The following DMD variants were observed in gnomAD, a reference collection of about 807,000 sequenced individuals.
DMD encodes the protein dystrophin.
In DMD, 63 loss-of-function variants were observed where a neutral mutation model predicts 330.1. That is an observed-to-expected ratio of 0.19 (90% CI 0.16 to 0.24). The LOEUF (loss-of-function observed/expected upper bound fraction) is 0.24, where lower values mean the gene tolerates loss of function less well. Among genes scored for constraint, DMD ranks in the 10% least tolerant of loss-of-function variants. DMD has a pLI of 1.00. For synonymous variants in DMD, 1,223 were observed against 959.8 expected (o/e 1.27, Z -5.07); for missense variants, 3,344 against 2,684.1 (o/e 1.25, Z -5.43).
At chrX:31,797,538 A>T (rs2091885815) in intron 50 of DMD, among the ~76,000 whole-genome samples, 1 of 112,318 alleles carries the variant, frequency 8.9e-6, no homozygotes, top group African/African-American at 3.2e-5. Flanking sequence ...GATGCAATTT[A>T]AAAAACAATT....
chrX:32,602,214 C>A (rs2056279975), intron 12 of DMD, among the ~76,000 whole-genome samples: 1 of 111,776 alleles, frequency 8.9e-6, no homozygotes, highest in Non-Finnish European at 1.9e-5. Context: ...GAAAAATTTG[C>A]ATGGGCAGAC....
intron 51 of DMD, among the ~76,000 whole-genome samples, chrX:31,733,015 G>A (rs2086623538): frequency 1.8e-5 from 2 of 111,378 alleles, no homozygotes; most frequent in Admixed American, 1.9e-4. Flanking sequence ...ACAGGAGAAG[G>A]AAGGAATCAA....
In DMD at chrX:32,386,380, G is replaced by A. The variant is rs1431604157; in HGVS notation, c.4604C>T (p.Thr1535Met). Residue 1535 changes from threonine to methionine, a missense_variant, in exon 33 of 79, where the codon ACG (threonine) becomes ATG (methionine). Physicochemically the swap from Thr to Met is moderately conservative, Grantham distance 81. Transcript: ENST00000357033. ...TGRQIVQKKQTENPKELDERV... is the reference protein window; with the variant it reads ...TGRQIVQKKQMENPKELDERV... ...TTCATCAAGTTCTTTGGGATTTTCC[G>A]TCTGCTTTTTCTGTACAATCTGACG... 1.3e-5 allele frequency: 16 copies of A among 1,208,583 alleles called. No homozygotes were observed. The highest frequency in any genetic ancestry group is 7.0e-5 in the South Asian group (4 of 56,918).
intron 42 of DMD, among the ~76,000 whole-genome samples, chrX:32,309,054 T>G (rs1334389791): frequency 9.0e-6 from 1 of 111,457 alleles, no homozygotes; most frequent in Non-Finnish European, 1.9e-5. Flanking sequence ...CTGACATGGA[T>G]GGAATAGTTC....
At chrX:31,604,331 C>T (rs754259356) in intron 55 of DMD, among the ~76,000 whole-genome samples, 76 of 108,942 alleles carry the variant, frequency 7.0e-4, no homozygotes, top group Non-Finnish European at 1.2e-3. Context: ...TTTTTTTTTT[C>T]TCATCTGATA....
intron 2 of DMD, among the ~76,000 whole-genome samples, chrX:32,890,420 T>C (rs1032780844): frequency 1.0e-5 from 1 of 95,725 alleles, no homozygotes; most frequent in Non-Finnish European, 2.0e-5. Flanking sequence ...ACAGGAGCTG[T>C]AGATATTAAG....
chrX:31,497,708 G>A (rs752064690), intron 56 of DMD, among the ~76,000 whole-genome samples: 2 of 112,026 alleles, frequency 1.8e-5, no homozygotes, highest in African/African-American at 3.2e-5. Flanking sequence ...TGAATGATCT[G>A]TGCTATAAAA....
chrX:31,560,476 A>T (rs1254643454), intron 55 of DMD, among the ~76,000 whole-genome samples: 1 of 112,036 alleles, frequency 8.9e-6, no homozygotes, highest in Non-Finnish European at 1.9e-5. Flanking sequence ...CTCTTCACAA[A>T]GCTGAATGGG....
intron 28 of DMD, 69 bp downstream of exon 28, chrX:32,441,111 C>A: frequency 9.1e-7 from 1 of 1,103,030 alleles, no homozygotes; most frequent in African/African-American, 1.8e-5. Flanking sequence ...GATTTGTCTT[C>A]TATTTGGTAC....
At chrX:32,116,070 G>T (rs1009958897) in intron 44 of DMD, among the ~76,000 whole-genome samples, 3 of 111,749 alleles carry the variant, frequency 2.7e-5, no homozygotes, top group Non-Finnish European at 5.6e-5. Flanking sequence ...GCAAGATCCC[G>T]TGTGATCTTG....
At chrX:32,770,295 G>T (rs1352377810) in intron 7 of DMD, among the ~76,000 whole-genome samples, 2 of 111,846 alleles carry the variant, frequency 1.8e-5, no homozygotes, top group African/African-American at 3.2e-5. Flanking sequence ...AGAGGGAACT[G>T]TAATTATCTG....
chrX:31,578,284 G>A (rs7053965), intron 55 of DMD, among the ~76,000 whole-genome samples: 6,823 of 111,542 alleles, frequency 0.061, 253 homozygotes, highest in Admixed American at 0.17. Context: ...CACAGATGCG[G>A]AGATTGATGC....
chrX:31,292,649 G>A (rs138312218), intron 62 of DMD, among the ~76,000 whole-genome samples: 5,875 of 111,359 alleles, frequency 0.053, 153 homozygotes, highest in Non-Finnish European at 0.084. Flanking sequence ...GCCAAAAAAC[G>A]CATTAAAGAA....
At chrX:32,182,748 CTTTAA>C (rs1330984260) in intron 44 of DMD, among the ~76,000 whole-genome samples, 1 of 111,478 alleles carries the variant, frequency 9.0e-6, no homozygotes, top group Non-Finnish European at 1.9e-5. Context: ...ATTCAGTTTA[CTTTAA>C]TTTGAGTGGT....
chrX:31,895,300 G>C (rs1429778386), intron 47 of DMD, among the ~76,000 whole-genome samples: 1 of 111,828 alleles, frequency 8.9e-6, no homozygotes, highest in Non-Finnish European at 1.9e-5. Context: ...CCATTAAAAG[G>C]TACTCTGTTG....
chrX:32,501,724 G>A, intron 19 of DMD, 31 bp downstream of exon 19: 1 of 1,089,052 alleles, frequency 9.2e-7, no homozygotes, highest in Non-Finnish European at 1.3e-6. Context: ...AAATCCCTAA[G>A]AAGATTATCT....
At chrX:32,339,462 T>G (rs927319897) in intron 41 of DMD, among the ~76,000 whole-genome samples, 4 of 111,821 alleles carry the variant, frequency 3.6e-5, no homozygotes, top group Admixed American at 9.6e-5. Flanking sequence ...GTCTCATGCC[T>G]CTTTCTTTAT....
intron 44 of DMD, among the ~76,000 whole-genome samples, chrX:32,193,183 T>C (rs1048341022): frequency 8.9e-6 from 1 of 111,774 alleles, no homozygotes; most frequent in Non-Finnish European, 1.9e-5. Flanking sequence ...CAGAAGGAGA[T>C]GCTGCTATGC....
At chrX:31,851,483 C>A in intron 48 of DMD, among the ~76,000 whole-genome samples, 1 of 111,661 alleles carries the variant, frequency 9.0e-6, no homozygotes, top group Non-Finnish European at 1.9e-5. Flanking sequence ...CATCCAGAAG[C>A]CTCTATGGAA....
Sources: allele counts gnomAD v4.1 joint callset (sites outside exome capture counted in the v4.1 genomes callset), GRCh38; gene constraint gnomAD v4.1.1; transcripts MANE v1.5; gene names NCBI Gene and HGNC (gene_info 2026-07-23, HGNC 2026-07-21).